Variants in RIMS1 observed in about 807,000 individuals in gnomAD.
RIMS1 encodes regulating synaptic membrane exocytosis protein 1.
RIMS1 carries 83 observed loss-of-function variants against 214.1 expected under a neutral mutation model. That is an observed-to-expected ratio of 0.39 (90% CI 0.32 to 0.47). The LOEUF is 0.47. RIMS1 is among the 20% of genes least tolerant of loss of function. RIMS1 has a pLI of 0.99. For missense variants in RIMS1, 2,050 were observed against 2,161.8 expected (o/e 0.95, Z 1.03); for synonymous variants, 793 against 786.8 (o/e 1.01, Z -0.13).
At chr6:71,946,671 T>G (rs980063295) in intron 1 of RIMS1, among the ~76,000 whole-genome samples, 7 of 151,972 alleles carry the variant, frequency 4.6e-5, no homozygotes, top group South Asian at 2.1e-4. Context: ...CCTGAAACTC[T>G]AAAACTATTA....
intron 4 of RIMS1, among the ~76,000 whole-genome samples, chr6:72,135,566 T>A (rs905827537): frequency 6.6e-6 from 1 of 152,054 alleles, no homozygotes; most frequent in Non-Finnish European, 1.5e-5. Context: ...AGAATGAATG[T>A]TTAGTGTGGG....
rs2096569502 is a variant in RIMS1 at position 72,328,848 on chromosome 6, A to G, written c.4131-4752A>G. On this transcript the variant is annotated intron_variant, in intron 28 of 33. Transcript: ENST00000521978. ...ATTCTACCAAACTAGATTTTCTGTC[A>G]TCTGCCACCCAGCTTTCAATGTATT... Among the ~76,000 whole-genome samples, 3 of 151,798 alleles carry G rather than the reference A, an allele frequency of 2.0e-5. No homozygotes were observed. In the South Asian group the frequency reaches 6.2e-4, roughly 31 times the overall value.
At chr6:72,077,186 A>G (rs1484533457) in intron 2 of RIMS1, among the ~76,000 whole-genome samples, 2 of 152,112 alleles carry the variant, frequency 1.3e-5, no homozygotes, top group Non-Finnish European at 2.9e-5. Flanking sequence ...GGCTTCCCTG[A>G]CAATCCTGTC....
At chr6:71,954,468 CCTGTTT>C (rs1159657373) in intron 1 of RIMS1, among the ~76,000 whole-genome samples, 2 of 152,036 alleles carry the variant, frequency 1.3e-5, no homozygotes, top group African/African-American at 4.8e-5. Flanking sequence ...CCTACATAAA[CCTGTTT>C]CTTAGCTTTA....
intron 4 of RIMS1, among the ~76,000 whole-genome samples, chr6:72,115,560 C>T (rs1001733381): frequency 6.6e-6 from 1 of 151,700 alleles, no homozygotes; most frequent in Non-Finnish European, 1.5e-5. Context: ...AATATTATTC[C>T]ATAATAAGTT....
chr6:72,108,937 G>A (rs2035389555), intron 4 of RIMS1, among the ~76,000 whole-genome samples: 1 of 145,806 alleles, frequency 6.9e-6, no homozygotes, highest in Non-Finnish European at 1.5e-5. Context: ...ACCTATGAGT[G>A]AGAAAATGCA....
intron 19 of RIMS1, chr6:72,263,329 T>A: frequency 1.0e-6 from 1 of 985,224 alleles, no homozygotes; most frequent in Non-Finnish European, 1.2e-6. Context: ...ATAGTTGCCT[T>A]ACTGTATCCT....
chr6:72,384,333 C>T (rs1030062838), intron 29 of RIMS1, among the ~76,000 whole-genome samples: 4 of 152,022 alleles, frequency 2.6e-5, no homozygotes, highest in African/African-American at 9.7e-5. Flanking sequence ...ATTTACTCAC[C>T]TCTCATTCCC....
chr6:71,926,871 T>C (rs1438711607), intron 1 of RIMS1, among the ~76,000 whole-genome samples: 3 of 152,048 alleles, frequency 2.0e-5, no homozygotes, highest in Non-Finnish European at 4.4e-5. Context: ...ATAATAGGCA[T>C]TGTGCGGGGT....
chr6:72,304,031 G>T (rs1224325841), intron 26 of RIMS1, among the ~76,000 whole-genome samples: 1 of 151,442 alleles, frequency 6.6e-6, no homozygotes, highest in East Asian at 1.9e-4. Context: ...AAATGAAATT[G>T]CATGATAATT....
At chr6:72,051,280 A>G (rs1337189886) in intron 2 of RIMS1, among the ~76,000 whole-genome samples, 1 of 152,140 alleles carries the variant, frequency 6.6e-6, no homozygotes, top group African/African-American at 2.4e-5. Context: ...TTATCAAGGC[A>G]CCATCTTTGC....
At chr6:71,909,952 A>G (rs1776392108) in intron 1 of RIMS1, among the ~76,000 whole-genome samples, 1 of 152,104 alleles carries the variant, frequency 6.6e-6, no homozygotes, top group East Asian at 1.9e-4. Context: ...TGAGGAGTCA[A>G]CTCACCTCTT....
rs866026482 is a variant in RIMS1, at chr6:72,190,483, A to G, written c.1678+7334A>G. Among the ~76,000 whole-genome samples, 38 of 13,352 alleles carry G rather than the reference A, an allele frequency of 2.8e-3. 1 individual carries two copies. The highest frequency in any genetic ancestry group is 3.4e-3 in the Admixed American group (4 of 1,164). The allele number at this position is 13,352 out of a possible 152,430, so 8.8% of individuals were successfully genotyped here. ...TGTCTCAAAAAAAAAAAAAAAAAAA[A>G]AAAGAAAGAAAGAAATAAAGGGGCT... On this transcript the variant is annotated intron_variant, in intron 6 of 33. Transcript: ENST00000521978.
intron 28 of RIMS1, among the ~76,000 whole-genome samples, chr6:72,331,342 TTTAAAGG>T (rs1371553739): frequency 6.6e-6 from 1 of 151,812 alleles, no homozygotes; most frequent in Non-Finnish European, 1.5e-5. Context: ...CATACTTTCC[TTTAAAGG>T]TTAGAAAATC....
rs187975582 is a variant in RIMS1, at chr6:72,363,303, G to A, written c.4367-27295G>A. On this transcript the variant is annotated intron_variant, in intron 29 of 33. Coordinates refer to ENST00000521978, the MANE Select transcript of RIMS1 (RefSeq NM_014989.7). ...TATAGGGAGAAAGGGAAAAAGTGGC[G>A]CAAAAACATTCTTAAGAGCAAGTTA... Among the ~76,000 whole-genome samples, 137 of 152,240 alleles carry A rather than the reference G, an allele frequency of 9.0e-4. 1 individual carries two copies. The highest frequency in any genetic ancestry group is 2.9e-3 in the African/African-American group (119 of 41,540).
rs1398596080 is a variant in RIMS1, at chr6:71,961,048, C to A, written c.165-7935C>A. 2.0e-5 allele frequency among the ~76,000 whole-genome samples: 3 copies of A among 152,058 alleles called. No homozygotes were observed. The East Asian group carries it at 5.8e-4, about 29-fold the overall frequency. On this transcript the variant is annotated intron_variant, in intron 1 of 33. Coordinates refer to ENST00000521978, the MANE Select transcript of RIMS1 (RefSeq NM_014989.7). ...GCCCTCTCAGATGTCTCCCTTCTTC[C>A]CCACCTCTGGCACAGGTACAGGTGG... is the stretch of plus-strand genomic sequence containing the variant.
chr6:72,182,890 G>T lies in RIMS1; in HGVS notation c.1419G>T (p.Gln473His). 1 of 1,569,970 alleles carries T rather than the reference G, an allele frequency of 6.4e-7. No homozygotes were observed. The highest frequency in any genetic ancestry group is 8.6e-7 in the Non-Finnish European group (1 of 1,159,256). The change falls in exon 6 of 34, where the codon CAG becomes CAT. Residue 473 changes from glutamine (Q) to histidine (H), a missense_variant. Gln to His is a conservative substitution (Grantham distance 24). This residue lies in a region of RIMS1 where 882 missense variants were observed against 828.9 expected (regional missense o/e 1.06). Coordinates refer to ENST00000521978, the MANE Select transcript of RIMS1 (RefSeq NM_014989.7). ...AAGCCCAGGAGCCCCTCAGGAAGCAGAGCCGCCTGGACCCCAGCTCGGCGG... is the reference window on the plus strand; with the variant it reads ...AAGCCCAGGAGCCCCTCAGGAAGCATAGCCGCCTGGACCCCAGCTCGGCGG... ...ELKAQEPLRK[Q>H]SRLDPSSAVL...
chr6:72,327,512 G>A (rs749178880), intron 28 of RIMS1, among the ~76,000 whole-genome samples: 10 of 151,566 alleles, frequency 6.6e-5, no homozygotes, highest in Admixed American at 3.3e-4. Context: ...ATATATTTTC[G>A]ATTCTCTTGA....
At chr6:72,091,445 C>T (rs1036780659) in intron 2 of RIMS1, among the ~76,000 whole-genome samples, 28 of 152,260 alleles carry the variant, frequency 1.8e-4, no homozygotes, top group Admixed American at 1.3e-3. Flanking sequence ...ACTTGTTCAA[C>T]AAATACATAT....
Sources: gnomAD v4.1 joint callset for allele counts (sites outside exome capture counted in the v4.1 genomes callset) on GRCh38, gnomAD v4.1.1 for gene constraint, gnomAD v4.1.1 regional missense constraint, MANE v1.5 for transcripts, NCBI Gene and HGNC (gene_info 2026-07-23, HGNC 2026-07-21) for gene names.